Variants in PRMT8 observed in about 807,000 individuals in gnomAD.
PRMT8 encodes protein arginine N-methyltransferase 8.
Under a neutral mutation model 47.1 loss-of-function variants are expected in PRMT8, and 7 were observed. That is an observed-to-expected ratio of 0.15 (90% CI 0.08 to 0.28). The LOEUF (loss-of-function observed/expected upper bound fraction) is 0.28. Among genes scored for constraint, PRMT8 ranks in the 10% least tolerant of loss-of-function variants. PRMT8 has a pLI of 1.00. For synonymous variants in PRMT8, 188 were observed against 186.5 expected, an observed-to-expected ratio of 1.01 and a Z score of -0.07; for missense variants, 237 against 505.4, an observed-to-expected ratio of 0.47 and a Z score of 5.09.
chr12:3,491,879 TGTGTGTGTGTTGG>T (rs1865413595), intron 1 of PRMT8, among the ~76,000 whole-genome samples, 179 bp downstream of exon 1: 1 of 97,334 alleles, frequency 1.0e-5, no homozygotes, highest in African/African-American at 4.6e-5. Context: ...TGTGTGTGTG[TGTGTGTGTGTTGG>T]TGGGGGGTGG....
chr12:3,540,583 C>T (rs748192104), intron 1 of PRMT8, 23 bp from the exon 2 acceptor site: 8 of 1,505,386 alleles, frequency 5.3e-6, no homozygotes, highest in East Asian at 2.3e-5. Context: ...TCCTAACACC[C>T]GACCCCCTTC....
At chr12:3,517,581 G>T (rs1366013673) in intron 1 of PRMT8, among the ~76,000 whole-genome samples, 1 of 152,182 alleles carries the variant, frequency 6.6e-6, no homozygotes, top group Non-Finnish European at 1.5e-5. Context: ...GGTCTTGGGG[G>T]TGGAAGAAAC....
chr12:3,495,502 G>A (rs888603317), intron 1 of PRMT8, among the ~76,000 whole-genome samples: 1 of 152,066 alleles, frequency 6.6e-6, no homozygotes, highest in African/African-American at 2.4e-5. Flanking sequence ...CAGCTCAAAC[G>A]TTACCTCCTC....
chr12:3,423,031 A>C (rs922425458), intron 1 of PRMT8, among the ~76,000 whole-genome samples: 2 of 152,228 alleles, frequency 1.3e-5, no homozygotes, highest in African/African-American at 4.8e-5. Flanking sequence ...GGGAGCAGTA[A>C]GCAGTTCTTA....
chr12:3,429,575 C>T (rs1256160725), intron 1 of PRMT8, among the ~76,000 whole-genome samples: 3 of 152,180 alleles, frequency 2.0e-5, no homozygotes, highest in Admixed American at 6.5e-5. Flanking sequence ...CAGGTCAAAA[C>T]CAAAACCAAA....
At chr12:3,534,515 C>A (rs866970574) in intron 1 of PRMT8, among the ~76,000 whole-genome samples, 1 of 152,210 alleles carries the variant, frequency 6.6e-6, no homozygotes, top group Non-Finnish European at 1.5e-5. Context: ...CACCTCCGGA[C>A]CTAGATTCCC....
At chr12:3,420,467 G>C (rs1864529833) in intron 1 of PRMT8, among the ~76,000 whole-genome samples, 1 of 152,186 alleles carries the variant, frequency 6.6e-6, no homozygotes, top group Non-Finnish European at 1.5e-5. Flanking sequence ...CCTCCATGGT[G>C]GGAGTGGACT....
At chr12:3,541,544 A>G (rs769690553) in intron 2 of PRMT8, among the ~76,000 whole-genome samples, 4 of 152,270 alleles carry the variant, frequency 2.6e-5, no homozygotes, top group Non-Finnish European at 5.9e-5. Context: ...TTTCATTTAA[A>G]CTCTATGAAG....
At chr12:3,402,203 A>C (rs1412890367) in intron 1 of PRMT8, among the ~76,000 whole-genome samples, 1 of 152,262 alleles carries the variant, frequency 6.6e-6, no homozygotes, top group Admixed American at 6.5e-5. Flanking sequence ...ATCTTTTACA[A>C]ACCTGACAAA....
rs1865757109 is a variant in PRMT8 at position 3,514,369 on chromosome 12, A to G, written c.75+22669A>G. ...TCTGGCTCACCTTGTGGGGGATGCC[A>G]GCACCAGATTGCTGTTGGGGTGTGG... On this transcript the variant is annotated intron_variant, in intron 1 of 9. Coordinates refer to ENST00000382622, the MANE Select transcript of PRMT8 (RefSeq NM_019854.5). This position sits in a 1 kb window ranked among gnomAD's most constrained non-coding sequence, Gnocchi z 5.9. Among the ~76,000 whole-genome samples the G allele has an allele frequency of 6.6e-6, 1 of 152,132 alleles. No homozygotes were observed. The highest frequency in any genetic ancestry group is 6.5e-5 in the Admixed American group (1 of 15,284).
rs1489833015 is a variant in PRMT8 at position 3,570,074 on chromosome 12, GAA to G, written c.712+512_712+513del. Among the ~76,000 whole-genome samples, 1 of 152,190 alleles carries G rather than the reference GAA, an allele frequency of 6.6e-6. No individual in the cohort carries two copies. The highest frequency in any genetic ancestry group is 1.5e-5 in the Non-Finnish European group (1 of 68,038). On this transcript the variant is annotated intron_variant, in intron 6 of 9. Transcript: ENST00000382622. This position sits in a 1 kb window ranked among gnomAD's most constrained non-coding sequence, Gnocchi z 5.5. ...GAGGAATAGATAGCAGAGGGGGTGG[GAA>G]AGAGTGGAGATTTTGCTTTGAACAA...
intron 1 of PRMT8, among the ~76,000 whole-genome samples, chr12:3,474,879 T>C (rs1053414256): frequency 6.6e-6 from 1 of 152,190 alleles, no homozygotes; most frequent in African/African-American, 2.4e-5. Flanking sequence ...AGGCTGTCAG[T>C]GAACATTTGC....
intron 1 of PRMT8, 122 bp from the exon 2 acceptor site, chr12:3,540,484 G>T: frequency 1.5e-6 from 1 of 676,092 alleles, no homozygotes. Context: ...TCCCTTTCAG[G>T]AAGGGCTGCT....
At chr12:3,411,203 A>G (rs1002808534) in intron 1 of PRMT8, among the ~76,000 whole-genome samples, 34 of 152,196 alleles carry the variant, frequency 2.2e-4, no homozygotes, top group African/African-American at 7.5e-4. Flanking sequence ...CAGTTTGACA[A>G]GGCCGCTAAA....
intron 1 of PRMT8, among the ~76,000 whole-genome samples, chr12:3,427,606 T>C (rs896240805): frequency 3.9e-5 from 6 of 152,100 alleles, no homozygotes; most frequent in Admixed American, 2.0e-4. Context: ...GTTTTTTTTT[T>C]CAATAGTTTT....
intron 1 of PRMT8, among the ~76,000 whole-genome samples, chr12:3,413,060 A>G (rs1317524020): frequency 2.0e-5 from 3 of 152,202 alleles, no homozygotes; most frequent in Non-Finnish European, 4.4e-5. Flanking sequence ...TTGAGGTTCT[A>G]GGTGATGTGA....
At chr12:3,405,166 T>C (rs1864360174) in intron 1 of PRMT8, among the ~76,000 whole-genome samples, 1 of 152,164 alleles carries the variant, frequency 6.6e-6, no homozygotes, top group African/African-American at 2.4e-5. Flanking sequence ...AACATGTCCT[T>C]CTTCACATGG....
At chr12:3,390,694 A>G (rs1337253651) in intron 1 of PRMT8, among the ~76,000 whole-genome samples, 2 of 152,190 alleles carry the variant, frequency 1.3e-5, no homozygotes, top group East Asian at 3.8e-4. Context: ...CCACACTCCT[A>G]GCCACTAAGG....
chr12:3,560,331 C>G (rs1591602730), intron 4 of PRMT8, among the ~76,000 whole-genome samples: 1 of 152,216 alleles, frequency 6.6e-6, no homozygotes, highest in Admixed American at 6.5e-5. Context: ...CAATCAGCCT[C>G]TCTCCCTCTC....
Sources: gnomAD v4.1 joint callset for allele counts (sites outside exome capture counted in the v4.1 genomes callset) on GRCh38, gnomAD v4.1.1 for gene constraint, Gnocchi (gnomAD v3.1) non-coding constraint, MANE v1.5 for transcripts, NCBI Gene and HGNC (gene_info 2026-07-23, HGNC 2026-07-21) for gene names.